The following DNM3 variants were observed in gnomAD, a reference collection of about 807,000 sequenced individuals.
DNM3 encodes dynamin-3.
A neutral mutation model predicts 101.6 loss-of-function variants in DNM3; 47 were observed. The ratio of observed to expected loss-of-function variants is 0.46; its 90% CI spans 0.37 to 0.59. DNM3 has a LOEUF of 0.59. DNM3 is among the 20% of genes least tolerant of loss of function. The pLI is 0.00. For synonymous variants in DNM3, 385 were observed against 387.9 expected, an observed-to-expected ratio of 0.99 and a Z score of 0.09; for missense variants, 849 against 1,085.7, an observed-to-expected ratio of 0.78 and a Z score of 3.06.
chr1:172,195,283 T>C (rs765243191), intron 14 of DNM3, among the ~76,000 whole-genome samples: 4 of 151,996 alleles, frequency 2.6e-5, no homozygotes, highest in Non-Finnish European at 4.4e-5. Context: ...TTGAATCTTA[T>C]AACCTTGCTT....
At chr1:171,963,366 G>A (rs1439647091) in intron 2 of DNM3, among the ~76,000 whole-genome samples, 1 of 152,134 alleles carries the variant, frequency 6.6e-6, no homozygotes, top group Non-Finnish European at 1.5e-5. Context: ...GTTGCCTGGG[G>A]TTAGGGGAGA....
intron 17 of DNM3, among the ~76,000 whole-genome samples, chr1:172,331,023 T>C (rs1451814079): frequency 6.6e-6 from 1 of 152,190 alleles, no homozygotes. Flanking sequence ...CCTCACTGAA[T>C]TGCATATTGT....
At chr1:171,896,316 G>A (rs1301774711) in intron 1 of DNM3, among the ~76,000 whole-genome samples, 1 of 151,956 alleles carries the variant, frequency 6.6e-6, no homozygotes, top group African/African-American at 2.4e-5. Context: ...TTATTTCATT[G>A]AGCAGTGGTT....
chr1:172,288,718 A>G (rs2063790697), intron 15 of DNM3, among the ~76,000 whole-genome samples: 1 of 152,162 alleles, frequency 6.6e-6, no homozygotes, highest in African/African-American at 2.4e-5. Context: ...CATCTGGCAC[A>G]AGCATCTCTT....
chr1:172,215,221 A>G (rs1186966480), intron 14 of DNM3, among the ~76,000 whole-genome samples: 1 of 152,096 alleles, frequency 6.6e-6, no homozygotes, highest in Non-Finnish European at 1.5e-5. Flanking sequence ...TGTCTATTGC[A>G]CTTTTGAATA....
At position 172,324,317 on chromosome 1, in the gene DNM3, A is replaced by G. The variant is rs563133842; in HGVS notation, c.1893+977A>G. Among the ~76,000 whole-genome samples the G allele has an allele frequency of 4.3e-4, 65 of 152,334 alleles. 1 individual carries two copies. In the South Asian group the frequency reaches 0.011, roughly 27 times the overall value. Reference sequence around the variant, plus strand: ...TATTCAAACCAGCTGGAATTCGTCAAAATTTCTGTTCATAAGCCATACATA... The same window carrying G: ...TATTCAAACCAGCTGGAATTCGTCAGAATTTCTGTTCATAAGCCATACATA... On this transcript the variant is annotated intron_variant, in intron 17 of 20. Coordinates refer to ENST00000627582, the MANE Select transcript of DNM3 (RefSeq NM_015569.5).
intron 15 of DNM3, among the ~76,000 whole-genome samples, chr1:172,308,126 T>C (rs534110542): frequency 7.9e-5 from 12 of 152,274 alleles, no homozygotes; most frequent in Non-Finnish European, 1.5e-4. Flanking sequence ...TCCAAATATT[T>C]AAAAATGGGC....
chr1:172,032,139 T>C (rs778479112), intron 4 of DNM3, among the ~76,000 whole-genome samples: 10 of 152,210 alleles, frequency 6.6e-5, no homozygotes, highest in Non-Finnish European at 1.0e-4. Context: ...TAAACTCTTA[T>C]ATTTCAAAAT....
intron 1 of DNM3, among the ~76,000 whole-genome samples, chr1:171,905,933 G>T (rs527733098): frequency 3.3e-5 from 5 of 152,052 alleles, no homozygotes; most frequent in Non-Finnish European, 5.9e-5. Flanking sequence ...GCCCTCTACT[G>T]ATGTAAGCAG....
intron 13 of DNM3, among the ~76,000 whole-genome samples, chr1:172,106,580 G>A (rs1032073124): frequency 3.3e-5 from 5 of 151,796 alleles, no homozygotes; most frequent in Admixed American, 1.3e-4. Flanking sequence ...CATGTACCCC[G>A]GAACTTAAAA....
intron 10 of DNM3, among the ~76,000 whole-genome samples, chr1:172,066,227 A>C (rs975357584): frequency 1.1e-4 from 16 of 152,068 alleles, no homozygotes; most frequent in African/African-American, 3.9e-4. Flanking sequence ...GTGTGTGTGG[A>C]TGTGTCTTAG....
At chr1:172,003,538 C>T (rs1045035422) in intron 4 of DNM3, among the ~76,000 whole-genome samples, 2 of 151,878 alleles carry the variant, frequency 1.3e-5, no homozygotes, top group Non-Finnish European at 2.9e-5. Context: ...CCTCCCTCCT[C>T]TCCTGCCCCC....
At chr1:171,965,745 G>A (rs569440436) in intron 2 of DNM3, among the ~76,000 whole-genome samples, 1 of 152,204 alleles carries the variant, frequency 6.6e-6, no homozygotes, top group African/African-American at 2.4e-5. Context: ...CCCCTTCAGT[G>A]AGAGTTTTTA....
intron 2 of DNM3, among the ~76,000 whole-genome samples, chr1:171,928,519 G>A (rs1293541410): frequency 1.3e-5 from 2 of 152,184 alleles, no homozygotes; most frequent in Non-Finnish European, 2.9e-5. Flanking sequence ...CAAGCCAGGG[G>A]TTCCCTGTCT....
chr1:172,300,370 C>T (rs1040819867), intron 15 of DNM3, among the ~76,000 whole-genome samples: 5 of 151,970 alleles, frequency 3.3e-5, no homozygotes, highest in African/African-American at 1.2e-4. Context: ...TTCTTTTTTG[C>T]TGTCTAGGAG....
intron 15 of DNM3, among the ~76,000 whole-genome samples, chr1:172,284,040 C>T (rs2063602298): frequency 6.6e-6 from 1 of 152,018 alleles, no homozygotes; most frequent in African/African-American, 2.4e-5. Flanking sequence ...CAATTAAATC[C>T]AGGAAAATGT....
At chr1:172,373,633 A>G (rs933095072) in intron 17 of DNM3, among the ~76,000 whole-genome samples, 2 of 152,104 alleles carry the variant, frequency 1.3e-5, no homozygotes, top group Non-Finnish European at 2.9e-5. Context: ...ACTTTATAAA[A>G]TGTAGACAAA....
chr1:172,010,944 C>T (rs2047085712), intron 4 of DNM3, among the ~76,000 whole-genome samples: 2 of 151,426 alleles, frequency 1.3e-5, no homozygotes, highest in Admixed American at 6.6e-5. Context: ...GTCATACTTT[C>T]CTTATTCTTC....
intron 6 of DNM3, among the ~76,000 whole-genome samples, chr1:172,036,071 T>C (rs2048936258): frequency 6.7e-6 from 1 of 150,374 alleles, no homozygotes; most frequent in African/African-American, 2.5e-5. Context: ...TAGTTACATA[T>C]GTATACATGT....
Sources: allele counts gnomAD v4.1 joint callset (sites outside exome capture counted in the v4.1 genomes callset), GRCh38; gene constraint gnomAD v4.1.1; transcripts MANE v1.5; gene names NCBI Gene and HGNC (gene_info 2026-07-23, HGNC 2026-07-21).